EPHB1: variants seen among roughly 807,000 people sequenced by gnomAD.
EPHB1 encodes the protein ephrin type-B receptor 1.
In EPHB1, 30 loss-of-function variants were observed where a neutral mutation model predicts 94.4. The observed-to-expected ratio is 0.32, with a 90% CI of 0.24 to 0.43. The LOEUF (loss-of-function observed/expected upper bound fraction) is 0.43, where lower values mean the gene tolerates loss of function less well. EPHB1 is among the 20% of genes least tolerant of loss of function. EPHB1 has a pLI of 1.00. For missense variants in EPHB1, 1,055 were observed against 1,308.3 expected, an observed-to-expected ratio of 0.81 and a Z score of 2.99; for synonymous variants, 522 against 489.1, an observed-to-expected ratio of 1.07 and a Z score of -0.89.
At chr3:134,893,886 CT>C (rs1467239967) in intron 1 of EPHB1, among the ~76,000 whole-genome samples, 1 of 152,202 alleles carries the variant, frequency 6.6e-6, no homozygotes, top group Non-Finnish European at 1.5e-5. Flanking sequence ...AGCAGAGTGC[CT>C]CACAGAGCAG....
chr3:135,095,328 A>G (rs1471541557), intron 3 of EPHB1, among the ~76,000 whole-genome samples: 2 of 152,110 alleles, frequency 1.3e-5, no homozygotes, highest in Non-Finnish European at 2.9e-5. Flanking sequence ...GTAGGGGCTC[A>G]GTGCTTATCT....
intron 3 of EPHB1, among the ~76,000 whole-genome samples, chr3:135,064,136 G>A (rs771126430): frequency 1.3e-5 from 2 of 151,986 alleles, no homozygotes; most frequent in Non-Finnish European, 2.9e-5. Context: ...GTTCATCACG[G>A]ATATTAATCT....
chr3:134,932,029 TTGTGTGTGTG>T (rs56801637), intron 2 of EPHB1, among the ~76,000 whole-genome samples: 2 of 148,854 alleles, frequency 1.3e-5, no homozygotes, highest in Non-Finnish European at 3.0e-5. Context: ...GTGTGTGTGT[TTGTGTGTGTG>T]TGTGTGTGTG....
intron 15 of EPHB1, among the ~76,000 whole-genome samples, chr3:135,258,503 C>T (rs1224019468): frequency 6.6e-6 from 1 of 152,076 alleles, no homozygotes; most frequent in African/African-American, 2.4e-5. Flanking sequence ...TTATTTTGAG[C>T]CCACTCTTCT....
intron 12 of EPHB1, among the ~76,000 whole-genome samples, chr3:135,203,638 T>C (rs1942817887): frequency 1.3e-5 from 2 of 152,184 alleles, no homozygotes. Flanking sequence ...ACCAGCCAGG[T>C]TTAGCTTTCA....
chr3:135,172,887 G>A, intron 9 of EPHB1, among the ~76,000 whole-genome samples: 1 of 152,146 alleles, frequency 6.6e-6, no homozygotes, highest in Non-Finnish European at 1.5e-5. Context: ...AACTCTTTTG[G>A]TCCTGAGATC....
At chr3:134,986,583 G>A (rs1344203700) in intron 3 of EPHB1, among the ~76,000 whole-genome samples, 1 of 152,080 alleles carries the variant, frequency 6.6e-6, no homozygotes, top group African/African-American at 2.4e-5. Context: ...ATGGAGGCCT[G>A]GAACATAAAA....
rs1005773848 is a variant in EPHB1 at position 134,868,415 on chromosome 3, T to C, written c.59-57401T>C. Among the ~76,000 whole-genome samples, 6 of 152,190 alleles carry C rather than the reference T, an allele frequency of 3.9e-5. 1 individual carries two copies. In the East Asian group the frequency reaches 1.2e-3, roughly 29 times the overall value. ...TACCCCCTAAGTGTTGCTGCTGTAATGTGCAATGAAGGTTACAAGGAATAC... is the reference window on the plus strand; with the variant it reads ...TACCCCCTAAGTGTTGCTGCTGTAACGTGCAATGAAGGTTACAAGGAATAC... On this transcript the variant is annotated intron_variant, in intron 1 of 15. Transcript: ENST00000398015.
Position 135,166,923 on chromosome 3 carries a change from C to A in EPHB1, c.1695-19C>A, listed in dbSNP as rs759615516. On this transcript the variant is annotated intron_variant, in intron 8 of 15. Transcript: ENST00000398015. ...TGGGTGTGCCCTGTGGCTGAGAGAG[C>A]CCCTCTTTTTATCCACAGGAAACGG... 5 of 1,613,512 alleles carry A rather than the reference C, an allele frequency of 3.1e-6. No homozygotes were observed. In the Admixed American group the frequency reaches 6.7e-5, roughly 22 times the overall value.
At chr3:134,975,415 T>C (rs1934146785) in intron 3 of EPHB1, among the ~76,000 whole-genome samples, 1 of 152,050 alleles carries the variant, frequency 6.6e-6, no homozygotes, top group South Asian at 2.1e-4. Context: ...CTATAGGCTG[T>C]AAGAGAGTGA....
At chr3:135,010,547 T>C (rs1456930598) in intron 3 of EPHB1, among the ~76,000 whole-genome samples, 2 of 143,336 alleles carry the variant, frequency 1.4e-5, no homozygotes, top group Non-Finnish European at 3.0e-5. Context: ...TGAGGGTCTG[T>C]ATTTTTTTCT....
chr3:134,975,845 C>T (rs956512675), intron 3 of EPHB1, among the ~76,000 whole-genome samples: 2 of 151,686 alleles, frequency 1.3e-5, no homozygotes, highest in East Asian at 1.9e-4. Context: ...TACATGTGCA[C>T]ACATATTGGC....
intron 2 of EPHB1, among the ~76,000 whole-genome samples, chr3:134,947,129 A>C (rs1444486984): frequency 6.6e-6 from 1 of 152,226 alleles, no homozygotes; most frequent in Non-Finnish European, 1.5e-5. Context: ...TTATATCCCC[A>C]GTGGCTAATG....
chr3:135,188,428 G>A (rs1027647693), intron 10 of EPHB1, among the ~76,000 whole-genome samples: 13 of 152,274 alleles, frequency 8.5e-5, no homozygotes, highest in East Asian at 1.9e-4. Flanking sequence ...CCGAAAGGCC[G>A]AGATTGCAGT....
intron 1 of EPHB1, among the ~76,000 whole-genome samples, chr3:134,799,486 T>C (rs1179410592): frequency 6.6e-6 from 1 of 152,240 alleles, no homozygotes; most frequent in East Asian, 1.9e-4. Flanking sequence ...TTTGTGGAGC[T>C]GCCTCCTCAA....
At chr3:135,181,541 T>G (rs16842755) in intron 10 of EPHB1, among the ~76,000 whole-genome samples, 1 of 152,100 alleles carries the variant, frequency 6.6e-6, no homozygotes, top group Non-Finnish European at 1.5e-5. Flanking sequence ...TCCTGTACTC[T>G]GTTTGCTCGT....
intron 2 of EPHB1, among the ~76,000 whole-genome samples, chr3:134,931,196 G>C (rs1051348800): frequency 6.6e-6 from 1 of 152,184 alleles, no homozygotes; most frequent in Non-Finnish European, 1.5e-5. Flanking sequence ...GATGCACATG[G>C]AGCCACTTCT....
chr3:135,236,709 A>G (rs950852762), intron 12 of EPHB1, among the ~76,000 whole-genome samples: 6 of 152,194 alleles, frequency 3.9e-5, no homozygotes, highest in African/African-American at 1.4e-4. Context: ...CAACAGAAAT[A>G]TTTGGTGAAC....
intron 2 of EPHB1, among the ~76,000 whole-genome samples, chr3:134,939,069 G>T (rs1578213170): frequency 6.6e-6 from 1 of 152,068 alleles, no homozygotes; most frequent in East Asian, 1.9e-4. Flanking sequence ...CCTTGACCTT[G>T]TTACAGTATT....
Sources: allele counts gnomAD v4.1 joint callset (sites outside exome capture counted in the v4.1 genomes callset), GRCh38; gene constraint gnomAD v4.1.1; transcripts MANE v1.5; gene names NCBI Gene and HGNC (gene_info 2026-07-23, HGNC 2026-07-21).